Variants in CNIH3 observed in about 807,000 individuals in gnomAD.
The protein encoded by CNIH3 is cornichon family AMPA receptor auxiliary protein 3, also known as protein cornichon homolog 3.
CNIH3 carries 14 observed loss-of-function variants against 24.1 expected under a neutral mutation model. The ratio of observed to expected loss-of-function variants is 0.58; its 90% confidence interval spans 0.38 to 0.91. The LOEUF (loss-of-function observed/expected upper bound fraction) is 0.91, where lower values mean the gene tolerates loss of function less well. Ranked by LOEUF, CNIH3 falls within the 40% of genes least tolerant of loss-of-function variation. The probability of loss-of-function intolerance (pLI) is 0.00; values close to 1 mark genes in which losing one functional copy is unlikely to be tolerated. For synonymous variants in CNIH3, 68 were observed against 73.8 expected (o/e 0.92, Z 0.40); for missense variants, 178 against 196.8 (o/e 0.90, Z 0.57).
intron 1 of CNIH3, among the ~76,000 whole-genome samples, chr1:224,443,020 T>C (rs910065323): frequency 6.6e-6 from 1 of 152,168 alleles, no homozygotes; most frequent in Non-Finnish European, 1.5e-5. Context: ...AGATTTTCTT[T>C]CCTCCAGAAG....
intron 1 of CNIH3, among the ~76,000 whole-genome samples, chr1:224,444,938 C>T (rs1290457406): frequency 5.3e-5 from 8 of 151,186 alleles, no homozygotes; most frequent in South Asian, 2.1e-4. Flanking sequence ...CCACCACGCC[C>T]GGCCCTTTTT....
Position 224,574,814 on chromosome 1 carries a change from G to A in CNIH3, n.517-8350G>A, listed in dbSNP as rs1344122625. 6.3e-6 allele frequency: 6 copies of A among 951,252 alleles called. No individual in the cohort carries two copies. The East Asian group carries it at 9.6e-5, about 15-fold the overall frequency. The allele number at this position is 951,252 out of a possible 1,614,324, so 58.9% of individuals were successfully genotyped here. Reference sequence around the variant, plus strand: ...GGAAGGAATTTTTCCCATTGGATGAGCCAGGTAATGGTAATGTGGTTCCCA... The same window carrying A: ...GGAAGGAATTTTTCCCATTGGATGAACCAGGTAATGGTAATGTGGTTCCCA... On this transcript the variant is annotated intron_variant and non_coding_transcript_variant, in intron 4 of 5. Transcript: ENST00000471578.
intron 4 of CNIH3, among the ~76,000 whole-genome samples, chr1:224,569,489 A>C (rs1400009186): frequency 6.6e-6 from 1 of 152,192 alleles, no homozygotes; most frequent in African/African-American, 2.4e-5. Context: ...TTTTTCGATC[A>C]TTCTTGTATG....
At position 224,684,964 on chromosome 1, in the gene CNIH3, G is replaced by T. The variant is rs903611441; in HGVS notation, c.198+121G>T. Reference sequence around the variant, plus strand: ...CTGTCCACCAGGGAGGCAAATGGTGGCAGGGAAAGGGGGAGGTGGGAGCAA... The same window carrying T: ...CTGTCCACCAGGGAGGCAAATGGTGTCAGGGAAAGGGGGAGGTGGGAGCAA... On this transcript the variant is annotated intron_variant, in intron 3 of 5. Coordinates refer to ENST00000272133, the MANE Select transcript of CNIH3 (RefSeq NM_152495.2). This position sits in a 1 kb window ranked among gnomAD's most constrained non-coding sequence, Gnocchi z 4.2. 1.1e-6 allele frequency: 1 copy of T among 928,842 alleles called. No homozygotes were observed. The highest frequency in any genetic ancestry group is 1.8e-6 in the Non-Finnish European group (1 of 560,862). The allele number at this position is 928,842 out of a possible 1,614,324, so 57.5% of individuals were successfully genotyped here. A position where few individuals can be genotyped will look rare whatever the true frequency, so the allele number is the denominator to read the frequency against.
chr1:224,701,573 C>T (rs1021406690), intron 3 of CNIH3, among the ~76,000 whole-genome samples: 3 of 152,156 alleles, frequency 2.0e-5, no homozygotes, highest in Admixed American at 6.5e-5. Flanking sequence ...TAGGGGGTAG[C>T]GTTTCAACAT....
chr1:224,710,639 A>G (rs1463504044), intron 3 of CNIH3, among the ~76,000 whole-genome samples: 2 of 152,114 alleles, frequency 1.3e-5, no homozygotes, highest in Non-Finnish European at 2.9e-5. Flanking sequence ...CTCAGCCAGC[A>G]TTTATCAAGT....
chr1:224,730,237 G>T, intron 3 of CNIH3: 1 of 505,832 alleles, frequency 2.0e-6, no homozygotes, highest in Non-Finnish European at 3.6e-6. Flanking sequence ...TGCACTGAGG[G>T]CTTGTGTCAT....
chr1:224,616,556 C>G lies in CNIH3; in HGVS notation c.-619C>G. ...CGGAGCGCACGGCTGCGCTGGAAGC[C>G]GCGTCTGGGGCGCAGGACCAACGGG... On this transcript the variant is annotated 5_prime_UTR_variant, in exon 1 of 6. Coordinates refer to ENST00000272133, the MANE Select transcript of CNIH3 (RefSeq NM_152495.2). 2.0e-6 allele frequency: 2 copies of G among 986,846 alleles called. No homozygotes were observed. Among genetic ancestry groups the G allele is most frequent in the Non-Finnish European group, 2.4e-6 (2 of 830,880 alleles). The allele number at this position is 986,846 out of a possible 1,614,324, so 61.1% of individuals were successfully genotyped here.
intron 1 of CNIH3, among the ~76,000 whole-genome samples, chr1:224,639,851 C>A (rs1684272652): frequency 6.6e-6 from 1 of 152,146 alleles, no homozygotes; most frequent in African/African-American, 2.4e-5. Context: ...TTCCTTAACC[C>A]GATTGCAGAT....
rs750629078 is a variant in CNIH3 at position 224,734,545 on chromosome 1, T to C, written c.312-18T>C. 5.0e-6 allele frequency: 8 copies of C among 1,612,834 alleles called. No individual in the cohort carries two copies. The South Asian group carries it at 7.7e-5, about 16-fold the overall frequency. On this transcript the variant is annotated intron_variant, in intron 4 of 5. Transcript: ENST00000272133. Reference sequence around the variant, plus strand: ...AGTACCAGGACCTCAGAGACAATGATGTCCTCTCTCCCTGCAGGTATTTCC... The same window carrying C: ...AGTACCAGGACCTCAGAGACAATGACGTCCTCTCTCCCTGCAGGTATTTCC...
At chr1:224,639,472 G>C (rs1684251188) in intron 1 of CNIH3, among the ~76,000 whole-genome samples, 1 of 152,238 alleles carries the variant, frequency 6.6e-6, no homozygotes, top group Admixed American at 6.5e-5. Context: ...AGCTAGCCTT[G>C]AAAAGTAAAG....
chr1:224,580,709 C>T (rs576130690), intron 4 of CNIH3, among the ~76,000 whole-genome samples: 3 of 151,920 alleles, frequency 2.0e-5, no homozygotes, highest in Non-Finnish European at 4.4e-5. Context: ...TGCCTATAAT[C>T]CCAGCTACTT....
intron 1 of CNIH3, among the ~76,000 whole-genome samples, chr1:224,634,875 G>T (rs115291541): frequency 1.3e-5 from 2 of 152,104 alleles, no homozygotes; most frequent in Admixed American, 1.3e-4. Context: ...CTGCATCCCC[G>T]CCAGGAGCTG....
At chr1:224,532,308 A>G (rs1679105404) in intron 2 of CNIH3, among the ~76,000 whole-genome samples, 1 of 152,096 alleles carries the variant, frequency 6.6e-6, no homozygotes, top group Admixed American at 6.5e-5. Context: ...AGAAAACAGG[A>G]GGTCTGGGCA....
intron 1 of CNIH3, among the ~76,000 whole-genome samples, chr1:224,495,060 T>G (rs938120454): frequency 1.3e-5 from 2 of 152,142 alleles, no homozygotes; most frequent in African/African-American, 4.8e-5. Flanking sequence ...ACACACACTC[T>G]CTACCAGTTC....
intron 5 of CNIH3, 43 bp from the exon 6 acceptor site, chr1:224,739,286 C>A: frequency 1.3e-6 from 2 of 1,590,538 alleles, no homozygotes; most frequent in Non-Finnish European, 1.7e-6. Flanking sequence ...TCTACTAACA[C>A]CTTCCTCTCT....
intron 3 of CNIH3, among the ~76,000 whole-genome samples, chr1:224,728,033 A>C (rs1287665157): frequency 6.6e-6 from 1 of 152,130 alleles, no homozygotes; most frequent in African/African-American, 2.4e-5. Context: ...CCCCAAAGAG[A>C]GAAGAAGCAG....
intron 3 of CNIH3, among the ~76,000 whole-genome samples, chr1:224,564,357 A>G (rs1385702264): frequency 6.6e-6 from 1 of 152,256 alleles, no homozygotes; most frequent in Non-Finnish European, 1.5e-5. Context: ...AGCTCTAACC[A>G]TGACATGAAT....
At chr1:224,481,582 C>G (rs537662256) in intron 1 of CNIH3, among the ~76,000 whole-genome samples, 2 of 152,152 alleles carry the variant, frequency 1.3e-5, no homozygotes, top group Non-Finnish European at 2.9e-5. Flanking sequence ...GACTCTTCTT[C>G]TCTTCCCTTA....
Sources: gnomAD v4.1 joint callset for allele counts (sites outside exome capture counted in the v4.1 genomes callset) on GRCh38, gnomAD v4.1.1 for gene constraint, Gnocchi (gnomAD v3.1) non-coding constraint, MANE v1.5 for transcripts, NCBI Gene and HGNC (gene_info 2026-07-23, HGNC 2026-07-21) for gene names.